The following RAB4B variants were observed in gnomAD, a reference collection of about 807,000 sequenced individuals.
The protein encoded by RAB4B is ras-related protein Rab-4B.
RAB4B carries 15 observed loss-of-function variants against 28.3 expected under a neutral mutation model. That is an observed-to-expected ratio of 0.53 (90% confidence interval 0.35 to 0.82). The LOEUF is 0.82. RAB4B is among the 40% of genes least tolerant of loss of function. The probability of loss-of-function intolerance (pLI) is 0.01; values close to 1 mark genes in which losing one functional copy is unlikely to be tolerated. For synonymous variants in RAB4B, 108 were observed against 116.3 expected, an observed-to-expected ratio of 0.93 and a Z score of 0.46; for missense variants, 244 against 288.5, an observed-to-expected ratio of 0.85 and a Z score of 1.12.
chr19:40,781,168 T>TGCTA (rs2083043592), intron 3 of RAB4B, among the ~76,000 whole-genome samples: 1 of 147,178 alleles, frequency 6.8e-6, no homozygotes, highest in Non-Finnish European at 1.5e-5. Context: ...TGGTGGTGGA[T>TGCTA]GCTAGCTACT....
chr19:40,795,942 G>A (rs1165919137), intron 7 of RAB4B, among the ~76,000 whole-genome samples: 1 of 142,754 alleles, frequency 7.0e-6, no homozygotes, highest in Non-Finnish European at 1.5e-5. Context: ...CCCGACTTCA[G>A]GTGATCTGCC....
intron 3 of RAB4B, 61 bp from the exon 4 acceptor site, chr19:40,783,717 G>A: frequency 1.4e-6 from 2 of 1,477,800 alleles, no homozygotes; most frequent in Non-Finnish European, 9.1e-7. Context: ...TCTCTGTAGA[G>A]GGGGGCATTC....
chr19:40,791,335 A>G (rs207477209), intron 7 of RAB4B, among the ~76,000 whole-genome samples: 2 of 152,050 alleles, frequency 1.3e-5, no homozygotes, highest in African/African-American at 4.8e-5. Context: ...TCTAACACAC[A>G]TATCTGCTCC....
chr19:40,778,392 G>GTGA lies in RAB4B; in HGVS notation c.16+2_16+4dup. ...GACCGAGTCATGGCTGAGACCTACGGTGAGGGTGGTGGACGAAGCTGGGGT... is the reference window on the plus strand; with the variant it reads ...GACCGAGTCATGGCTGAGACCTACGGTGATGAGGGTGGTGGACGAAGCTGGGGT... On this transcript the variant is annotated splice_donor_variant, in intron 1 of 7. Coordinates refer to ENST00000357052, the MANE Select transcript of RAB4B (RefSeq NM_016154.5). LOFTEE classifies it high-confidence loss of function. 1 of 1,464,794 alleles carries GTGA rather than the reference G, an allele frequency of 6.8e-7. No individual in the cohort carries two copies. The highest frequency in any genetic ancestry group is 9.0e-7 in the Non-Finnish European group (1 of 1,111,858). The allele number at this position is 1,464,794 out of a possible 1,614,324, so 90.7% of individuals were successfully genotyped here.
chr19:40,780,272 A>G, intron 2 of RAB4B, 113 bp from the exon 3 acceptor site: 1 of 1,429,174 alleles, frequency 7.0e-7, no homozygotes. Context: ...ACCTCAAGTC[A>G]CTCCAGCAAG....
chr19:40,779,490 T>A (rs1049013009), intron 1 of RAB4B: 1 of 164,988 alleles, frequency 6.1e-6, no homozygotes, highest in African/African-American at 2.4e-5. Flanking sequence ...ATGCCTGTAA[T>A]CCCAGCACTT....
intron 7 of RAB4B, among the ~76,000 whole-genome samples, chr19:40,791,076 C>T (rs2083154880): frequency 6.6e-6 from 1 of 151,970 alleles, no homozygotes; most frequent in South Asian, 2.1e-4. Context: ...AGGATGGTCT[C>T]GATCTCCTGA....
In RAB4B at chr19:40,780,117, G is replaced by T; in HGVS notation, c.97+18G>T. On this transcript the variant is annotated intron_variant, in intron 2 of 7. Transcript: ENST00000357052. Reference sequence around the variant, plus strand: ...GAATAAGTGTGAGTTTCCCGCAGTGGTCCTGGGAACCCTGAGCTGTGTTTA... The same window carrying T: ...GAATAAGTGTGAGTTTCCCGCAGTGTTCCTGGGAACCCTGAGCTGTGTTTA... 1 of 1,613,312 alleles carries T rather than the reference G, an allele frequency of 6.2e-7. No individual in the cohort carries two copies. The highest frequency in any genetic ancestry group is 8.5e-7 in the Non-Finnish European group (1 of 1,179,414).
intron 7 of RAB4B, among the ~76,000 whole-genome samples, chr19:40,787,961 CAAAAAAAAAAAAAAAA>C (rs56997006): frequency 4.3e-5 from 3 of 69,468 alleles, no homozygotes; most frequent in African/African-American, 1.1e-4. Context: ...GACTCTGTCT[CAAAAAAAAAAAAAAAA>C]AAAAAAAAAA....
At chr19:40,786,508 C>A in intron 5 of RAB4B, 157 bp from the exon 6 acceptor site, 2 of 1,114,054 alleles carry the variant, frequency 1.8e-6, no homozygotes, top group Non-Finnish European at 1.3e-6. Flanking sequence ...TATCGGGAAG[C>A]GGACATTAGT....
intron 7 of RAB4B, among the ~76,000 whole-genome samples, chr19:40,794,085 AT>A (rs1471865585): frequency 6.6e-6 from 1 of 150,548 alleles, no homozygotes; most frequent in East Asian, 2.0e-4. Flanking sequence ...TATTATTATT[AT>A]TTTTTGAGAT....
At position 40,790,328 on chromosome 19, in the gene RAB4B, C is replaced by G. The variant is rs137883638; in HGVS notation, c.*15+3350C>G. Among the ~76,000 whole-genome samples, 1,295 of 151,126 alleles carry G rather than the reference C, an allele frequency of 8.6e-3. 8 individuals carry two copies. The highest frequency in any genetic ancestry group is 0.013 in the Admixed American group (190 of 15,194). On this transcript the variant is annotated intron_variant, in intron 7 of 7. Transcript: ENST00000357052. ...ATAGGGTTCATGTCCTCCCTAGACT[C>G]TCTGTCTTCCAGTCTTGGCCTCTCT...
Position 40,786,931 on chromosome 19 carries a change from C to T in RAB4B, c.610C>T (p.Gln204Ter). ...LRQLRQPRSAQAVAPQPCGC is the reference protein window; with the variant it reads ...LRQLRQPRSA ...CCAGCTTCGGCAGCCTCGGAGTGCC[C>T]AGGCCGTGGCCCCTCAGCCGTGTGG... Residue 204 changes from glutamine to a stop codon, truncating the protein, a stop_gained, in exon 7 of 8, where the codon CAG becomes TAG. Transcript: ENST00000357052. LOFTEE classifies it high-confidence loss of function. 6.2e-7 allele frequency: 1 copy of T among 1,614,032 alleles called. No homozygotes were observed. Among genetic ancestry groups the T allele is most frequent in the Non-Finnish European group, 8.5e-7 (1 of 1,179,962 alleles).
chr19:40,779,908 C>G lies in RAB4B; in HGVS notation c.17-111C>G, dbSNP rs61750952. On this transcript the variant is annotated intron_variant, in intron 1 of 7. Transcript: ENST00000357052. ...GGTTTGTTTCTGCCTATGTCTGTTT[C>G]TCTCCCTCTAACTGTGATGGTTAGA... 5.4e-4 allele frequency: 857 copies of G among 1,590,044 alleles called. 10 individuals are homozygous for G. In the African/African-American group the frequency reaches 8.7e-3, roughly 16 times the overall value.
At chr19:40,781,534 C>A (rs2083047981) in intron 3 of RAB4B, among the ~76,000 whole-genome samples, 1 of 151,886 alleles carries the variant, frequency 6.6e-6, no homozygotes, top group South Asian at 2.1e-4. Flanking sequence ...GACACACACG[C>A]CAAGGCAGGA....
chr19:40,781,733 T>C (rs2083050119), intron 3 of RAB4B, among the ~76,000 whole-genome samples: 3 of 152,136 alleles, frequency 2.0e-5, no homozygotes, highest in Middle Eastern at 6.8e-3. Context: ...ATAGAAACCT[T>C]AGGAGAGGCC....
chr19:40,791,293 C>T (rs750057926), intron 7 of RAB4B, among the ~76,000 whole-genome samples: 1 of 152,188 alleles, frequency 6.6e-6, no homozygotes, highest in Non-Finnish European at 1.5e-5. Context: ...CCCTGCCAAT[C>T]CTGTCTCCTT....
intron 7 of RAB4B, among the ~76,000 whole-genome samples, chr19:40,790,856 ATT>A (rs35337272): frequency 7.4e-4 from 86 of 116,134 alleles, no homozygotes; most frequent in Admixed American, 9.2e-4. Flanking sequence ...TAATTTTTGT[ATT>A]TTTTTTTTTT....
At chr19:40,786,444 T>A in intron 5 of RAB4B, 1 of 593,564 alleles carries the variant, frequency 1.7e-6, no homozygotes. Flanking sequence ...CAGGGAGGAC[T>A]TCTTGGAGGA....
Sources: allele counts gnomAD v4.1 joint callset (sites outside exome capture counted in the v4.1 genomes callset), GRCh38; gene constraint gnomAD v4.1.1; transcripts MANE v1.5; gene names NCBI Gene and HGNC (gene_info 2026-07-23, HGNC 2026-07-21).